CREM: variants seen among roughly 807,000 people sequenced by gnomAD.
The protein encoded by CREM is cAMP-responsive element modulator.
A neutral mutation model predicts 37.3 loss-of-function variants in CREM; 13 were observed. That is an observed-to-expected ratio of 0.35 (90% confidence interval 0.23 to 0.55). The LOEUF (loss-of-function observed/expected upper bound fraction) is 0.55. Among genes scored for constraint, CREM ranks in the 20% least tolerant of loss-of-function variants. The pLI is 0.88. For missense variants in CREM, 296 were observed against 362.3 expected, an observed-to-expected ratio of 0.82 and a Z score of 1.49; for synonymous variants, 124 against 120.2, an observed-to-expected ratio of 1.03 and a Z score of -0.21.
chr10:35,196,585 A>G lies in CREM; in HGVS notation c.598+8197A>G, dbSNP rs149632474. 4.8e-3 allele frequency: 733 copies of G among 153,336 alleles called. 1 individual carries two copies. The highest frequency in any genetic ancestry group is 9.4e-3 in the Admixed American group (144 of 15,360). The allele number at this position is 153,336 out of a possible 1,614,324, so 9.5% of individuals were successfully genotyped here. On this transcript the variant is annotated intron_variant, in intron 6 of 7. Transcript: ENST00000685392. Reference sequence around the variant, plus strand: ...ATTGTTTTTAAAACTGTCTTGAGGAACTATTTTTTTCTCGAAGTTTTGTGA... The same window carrying G: ...ATTGTTTTTAAAACTGTCTTGAGGAGCTATTTTTTTCTCGAAGTTTTGTGA...
intron 6 of CREM, among the ~76,000 whole-genome samples, chr10:35,202,225 T>C (rs1253135537): frequency 1.3e-5 from 2 of 152,190 alleles, no homozygotes; most frequent in Non-Finnish European, 1.5e-5. Context: ...TTTATAAGAA[T>C]ACAGGAATAG....
intron 6 of CREM, among the ~76,000 whole-genome samples, chr10:35,201,818 C>T (rs1011132736): frequency 3.3e-5 from 5 of 152,140 alleles, no homozygotes; most frequent in Admixed American, 1.3e-4. Context: ...TCTTGTAGGG[C>T]TTTCCATGTC....
intron 3 of CREM, among the ~76,000 whole-genome samples, chr10:35,173,640 T>G (rs2093923001): frequency 6.6e-6 from 1 of 152,250 alleles, no homozygotes; most frequent in Non-Finnish European, 1.5e-5. Flanking sequence ...CACAGCTGGC[T>G]TGTACCAGTG....
intron 6 of CREM, chr10:35,195,281 G>T: frequency 1.3e-6 from 2 of 1,582,898 alleles, no homozygotes; most frequent in South Asian, 1.1e-5. Flanking sequence ...GAAGTATTCA[G>T]GAACATCTGA....
chr10:35,194,219 C>G (rs568464035), intron 6 of CREM, among the ~76,000 whole-genome samples: 1 of 149,750 alleles, frequency 6.7e-6, no homozygotes, highest in African/African-American at 2.5e-5. Flanking sequence ...GTTGAACATT[C>G]GCCCATTTTT....
chr10:35,187,148 T>A (rs537097170), intron 5 of CREM, among the ~76,000 whole-genome samples: 1 of 59,734 alleles, frequency 1.7e-5, no homozygotes. Context: ...TAATATATAA[T>A]ATATATAATA....
chr10:35,179,102 T>G, intron 4 of CREM, 32 bp from the exon 5 acceptor site: 1 of 1,582,750 alleles, frequency 6.3e-7, no homozygotes, highest in Non-Finnish European at 8.6e-7. Flanking sequence ...TTCATGTATC[T>G]TAGTGACTTA....
intron 6 of CREM, among the ~76,000 whole-genome samples, chr10:35,205,904 G>T (rs2095506853): frequency 6.6e-6 from 1 of 151,858 alleles, no homozygotes; most frequent in African/African-American, 2.4e-5. Context: ...GTTACAGTGA[G>T]CCAAGATTAC....
At chr10:35,128,734 C>T (rs2088632087) in intron 1 of CREM, among the ~76,000 whole-genome samples, 1 of 151,920 alleles carries the variant, frequency 6.6e-6, no homozygotes, top group Non-Finnish European at 1.5e-5. Flanking sequence ...ACAGTGTTAG[C>T]CAGGATGGTC....
At chr10:35,181,515 T>G (rs906535133) in intron 5 of CREM, among the ~76,000 whole-genome samples, 2 of 151,926 alleles carry the variant, frequency 1.3e-5, no homozygotes, top group Admixed American at 1.3e-4. Flanking sequence ...TGTGTGTCTG[T>G]GGGGGGGATG....
At chr10:35,152,577 C>T (rs1330846521) in intron 3 of CREM, among the ~76,000 whole-genome samples, 2 of 152,142 alleles carry the variant, frequency 1.3e-5, no homozygotes, top group Non-Finnish European at 1.5e-5. Flanking sequence ...TCTTGGCTTT[C>T]TTCTTGCCTA....
chr10:35,143,676 G>A (rs544088016), intron 2 of CREM, among the ~76,000 whole-genome samples: 92 of 152,300 alleles, frequency 6.0e-4, no homozygotes, highest in African/African-American at 2.1e-3. Flanking sequence ...TCCTGGAGGT[G>A]AGTAGATGAT....
intron 5 of CREM, among the ~76,000 whole-genome samples, chr10:35,186,882 A>C (rs1232711090): frequency 9.9e-6 from 1 of 100,960 alleles, no homozygotes; most frequent in Admixed American, 1.5e-4. Context: ...TTATATATAA[A>C]ATATAAATAA....
At chr10:35,185,253 C>T (rs2094509003) in intron 5 of CREM, among the ~76,000 whole-genome samples, 1 of 152,086 alleles carries the variant, frequency 6.6e-6, no homozygotes, top group Non-Finnish European at 1.5e-5. Flanking sequence ...CAGGCATGCA[C>T]CACCACGCCT....
chr10:35,181,809 G>C (rs2094362039), intron 5 of CREM, among the ~76,000 whole-genome samples: 1 of 152,160 alleles, frequency 6.6e-6, no homozygotes, highest in African/African-American at 2.4e-5. Flanking sequence ...GGAGTTTGAG[G>C]CTGCAGTGAG....
chr10:35,153,489 A>G (rs2092716221), intron 3 of CREM, among the ~76,000 whole-genome samples: 2 of 152,184 alleles, frequency 1.3e-5, no homozygotes, highest in South Asian at 4.1e-4. Context: ...TCACAAATGT[A>G]TGATCTACTC....
At chr10:35,202,869 G>A (rs1049135786) in intron 6 of CREM, among the ~76,000 whole-genome samples, 3 of 151,988 alleles carry the variant, frequency 2.0e-5, no homozygotes, top group African/African-American at 7.3e-5. Flanking sequence ...ATTTTAAAGT[G>A]GTATTTTTTT....
At chr10:35,192,435 G>C (rs963581144) in intron 6 of CREM, among the ~76,000 whole-genome samples, 1 of 152,134 alleles carries the variant, frequency 6.6e-6, no homozygotes, top group Admixed American at 6.5e-5. Flanking sequence ...TGCAACCTCT[G>C]TCTCCTGGGC....
rs72791823 is a variant in CREM, at chr10:35,157,917, T to C, written c.168+9426T>C. On this transcript the variant is annotated intron_variant, in intron 3 of 7. Coordinates refer to ENST00000685392, the MANE Select transcript of CREM (RefSeq NM_183011.2). ...AGTTGCAGGATATGAAATCAACTTA[T>C]AAAAACCAGTATTGTTTTTATGTAC... Among the ~76,000 whole-genome samples the C allele has an allele frequency of 7.8e-3, 1,192 of 152,222 alleles. 5 individuals are homozygous for C. Among genetic ancestry groups the C allele is most frequent in the Non-Finnish European group, 0.013 (914 of 68,018 alleles).
Sources: allele counts gnomAD v4.1 joint callset (sites outside exome capture counted in the v4.1 genomes callset), GRCh38; gene constraint gnomAD v4.1.1; transcripts MANE v1.5; gene names NCBI Gene and HGNC (gene_info 2026-07-23, HGNC 2026-07-21).